The following ZKSCAN4 variants were observed in gnomAD, a reference collection of about 807,000 sequenced individuals.
The protein encoded by ZKSCAN4 is zinc finger with KRAB and SCAN domains 4.
ZKSCAN4 carries 23 observed loss-of-function variants against 30.8 expected under a neutral mutation model. The observed-to-expected ratio is 0.75, with a 90% CI of 0.54 to 1.06. ZKSCAN4 has a LOEUF of 1.06. Among genes scored for constraint, ZKSCAN4 ranks in the 50% least tolerant of loss-of-function variants. ZKSCAN4 has a pLI of 0.00. For synonymous variants in ZKSCAN4, 208 were observed against 252.5 expected (o/e 0.82, Z 1.67); for missense variants, 556 against 665.4 (o/e 0.84, Z 1.81).
upstream of ZKSCAN4, among the ~76,000 whole-genome samples, chr6:28,254,704 G>A (rs1761132155): frequency 1.3e-5 from 2 of 152,358 alleles, no homozygotes; most frequent in Admixed American, 6.5e-5. Flanking sequence ...CATATCTAAA[G>A]GCGGGATGCT....
chr6:28,250,311 C>T (rs973957618), intron 1 of ZKSCAN4, among the ~76,000 whole-genome samples: 20 of 152,144 alleles, frequency 1.3e-4, no homozygotes, highest in African/African-American at 4.1e-4. Context: ...TCAGGTGATC[C>T]GCCCACCTCA....
At position 28,251,713 on chromosome 6, in the gene ZKSCAN4, C is replaced by T; in HGVS notation, c.268G>A (p.Glu90Lys). The T allele has an allele frequency of 1.9e-6, 3 of 1,614,266 alleles. No individual in the cohort carries two copies. The highest frequency in any genetic ancestry group is 2.5e-6 in the Non-Finnish European group (3 of 1,180,054). Residue 90 changes from glutamate to lysine, a missense_variant, in exon 1 of 5, where the codon GAG becomes AAG. By Grantham distance (56) the Glu-to-Lys change is moderately conservative (BLOSUM62 1). Coordinates refer to ENST00000377294, the MANE Select transcript of ZKSCAN4 (RefSeq NM_019110.5). The surrounding 1 kb of genome is among the most constrained non-coding windows in gnomAD (Gnocchi z 4.5). The part of the protein sequence containing the change: ...QWLQPEMHSK[E>K]QILELLVLEQ... ...AGCACCAGCAGCTCCAGGATCTGCT[C>T]CTTGCTGTGCATCTCAGGCTGCAGC...
Position 28,252,057 on chromosome 6 carries a change from A to C in ZKSCAN4, c.-77T>G. On this transcript the variant is annotated 5_prime_UTR_variant, in exon 1 of 5. Coordinates refer to ENST00000377294, the MANE Select transcript of ZKSCAN4 (RefSeq NM_019110.5). ...TCAGAGGATTCTGGAAGGGTGGTAA[A>C]TTTTCCAGTAGAACTGCAAGTGGTC... 1 of 1,456,460 alleles carries C rather than the reference A, an allele frequency of 6.9e-7. No individual in the cohort carries two copies. Among genetic ancestry groups the C allele is most frequent in the Non-Finnish European group, 9.1e-7 (1 of 1,094,338 alleles). The allele number at this position is 1,456,460 out of a possible 1,614,324, so 90.2% of individuals were successfully genotyped here.
Position 28,245,195 on chromosome 6 carries a change from CA to C in ZKSCAN4, c.1558del (p.Cys520ValfsTer19). ...TGEKPYQCDTCGKGFTRTSYL... is the reference protein window; with the variant it reads ...TGEKPYQCDTXGKGFTRTSYL... Reference sequence around the variant, plus strand: ...TGAAGTTCGAGTGAAACCTTTTCCACATGTGTCACACTGATAGGGTTTCTCA... The same window carrying C: ...TGAAGTTCGAGTGAAACCTTTTCCACTGTGTCACACTGATAGGGTTTCTCA... On this transcript the variant is annotated frameshift_variant, in exon 5 of 5. Coordinates refer to ENST00000377294, the MANE Select transcript of ZKSCAN4 (RefSeq NM_019110.5). LOFTEE classifies it high-confidence loss of function. The C allele has an allele frequency of 6.2e-7, 1 of 1,614,146 alleles. No homozygotes were observed. The highest frequency in any genetic ancestry group is 8.5e-7 in the Non-Finnish European group (1 of 1,180,030).
Position 28,245,312 on chromosome 6 carries a change from G to C in ZKSCAN4, c.1442C>G (p.Thr481Ser), listed in dbSNP as rs776385628. 17 of 1,614,034 alleles carry C rather than the reference G, an allele frequency of 1.1e-5. No individual in the cohort carries two copies. The highest frequency in any genetic ancestry group is 3.3e-4 in the Middle Eastern group (2 of 6,084). Residue 481 changes from threonine to serine, a missense_variant, in exon 5 of 5, where the codon ACT (threonine) becomes AGT (serine). Transcript: ENST00000377294. ...ACATTTATAAGACACGGGAGCCTCA[G>C]TATTTTCCCACTGGCTTTCCGTCCT... ...QGRTESQWENTEAPVSYKCNE... is the reference protein window; with the variant it reads ...QGRTESQWENSEAPVSYKCNE...
At position 28,242,536 on chromosome 6, in the gene ZKSCAN4, A is replaced by G. The variant is rs959049837; in HGVS notation, c.*2580T>C. ...GTCCCTATCTCTTAAAATTTGCTTT[A>G]TTTACTCAATTGGACAAAGTTGTTG... On this transcript the variant is annotated 3_prime_UTR_variant, in exon 5 of 5. Transcript: ENST00000377294. Among the ~76,000 whole-genome samples, 3 of 152,110 alleles carry G rather than the reference A, an allele frequency of 2.0e-5. No homozygotes were observed. The highest frequency in any genetic ancestry group is 1.3e-4 in the Admixed American group (2 of 15,276).
At position 28,251,895 on chromosome 6, in the gene ZKSCAN4, T is replaced by G; in HGVS notation, c.86A>C (p.Lys29Thr). The G allele has an allele frequency of 6.5e-7, 1 of 1,539,866 alleles. No individual in the cohort carries two copies. Residue 29 changes from lysine to threonine, a missense_variant, in exon 1 of 5, where the codon AAG becomes ACG. By Grantham distance (78) the Lys-to-Thr change is moderately conservative. Transcript: ENST00000377294. The surrounding 1 kb of genome is among the most constrained non-coding windows in gnomAD (Gnocchi z 4.5). ...CGCCGTCAAGGCGGAGGCTTCCTCC[T>G]TCTCCACCTTCACGGTCAGGAGCCC... ...QTGLLTVKVE[K>T]EEASALTAEV...
At chr6:28,254,953 T>C (rs1761137186), upstream of ZKSCAN4, among the ~76,000 whole-genome samples, 1 of 152,264 alleles carries the variant, frequency 6.6e-6, no homozygotes, top group African/African-American at 2.4e-5. Flanking sequence ...GCCCTGATTA[T>C]AGATATGTAA....
chr6:28,248,910 G>T (rs1760871039), intron 2 of ZKSCAN4, among the ~76,000 whole-genome samples: 2 of 151,928 alleles, frequency 1.3e-5, no homozygotes, highest in South Asian at 4.2e-4. Flanking sequence ...GGCAATGGAA[G>T]ACTGGAAGAC....
intron 2 of ZKSCAN4, among the ~76,000 whole-genome samples, 165 bp from the exon 3 acceptor site, chr6:28,248,314 C>T (rs1289881681): frequency 1.3e-5 from 2 of 152,144 alleles, no homozygotes; most frequent in Non-Finnish European, 2.9e-5. Flanking sequence ...GCCCTAGGGC[C>T]GAAAGAAGTC....
chr6:28,252,332 C>T (rs146004617), upstream of ZKSCAN4: 99 of 180,426 alleles, frequency 5.5e-4, 4 homozygotes, highest in South Asian at 0.016. Context: ...AAGCTTCTCT[C>T]GGTGGTTGTC....
Position 28,244,775 on chromosome 6 carries a change from C to A in ZKSCAN4, c.*341G>T. 1 of 362,162 alleles carries A rather than the reference C, an allele frequency of 2.8e-6. No individual in the cohort carries two copies. Among genetic ancestry groups the A allele is most frequent in the Non-Finnish European group, 5.3e-6 (1 of 190,268 alleles). The allele number at this position is 362,162 out of a possible 1,614,324, so 22.4% of individuals were successfully genotyped here. On this transcript the variant is annotated 3_prime_UTR_variant, in exon 5 of 5. Coordinates refer to ENST00000377294, the MANE Select transcript of ZKSCAN4 (RefSeq NM_019110.5). ...GCAAAATGAATGGTCAGAGCAGCAG[C>A]CCCCCACATCAGAGCCATCCAACCA...
At chr6:28,246,105 T>G in intron 4 of ZKSCAN4, 130 bp from the exon 5 acceptor site, 1 of 1,279,720 alleles carries the variant, frequency 7.8e-7, no homozygotes, top group South Asian at 1.4e-5. Flanking sequence ...AGTGCTAGAA[T>G]AAGAATGGGA....
intron 1 of ZKSCAN4, among the ~76,000 whole-genome samples, chr6:28,250,196 T>C (rs546990678): frequency 2.0e-5 from 3 of 152,250 alleles, no homozygotes; most frequent in African/African-American, 2.4e-5. Context: ...GCCTCCCTAG[T>C]AGCTGGGATT....
intron 1 of ZKSCAN4, among the ~76,000 whole-genome samples, chr6:28,250,821 T>C (rs1760961385): frequency 1.3e-5 from 2 of 152,226 alleles, no homozygotes; most frequent in African/African-American, 4.8e-5. Context: ...CTACAGGGCT[T>C]GCGTGCAATA....
rs530669205 is a variant in ZKSCAN4, at chr6:28,252,102, G to A, written c.-122C>T. ...GTGGTCCCCCTCCTGTCATGCCCAGGGGCCCAGGACACCCCCTGAGGCGCA... is the reference window on the plus strand; with the variant it reads ...GTGGTCCCCCTCCTGTCATGCCCAGAGGCCCAGGACACCCCCTGAGGCGCA... On this transcript the variant is annotated 5_prime_UTR_variant, in exon 1 of 5. Coordinates refer to ENST00000377294, the MANE Select transcript of ZKSCAN4 (RefSeq NM_019110.5). The A allele has an allele frequency of 8.8e-7, 1 of 1,136,362 alleles. No homozygotes were observed. The highest frequency in any genetic ancestry group is 1.2e-6 in the Non-Finnish European group (1 of 811,696). 70.4% of individuals were successfully genotyped at this position (1,136,362 alleles called of 1,614,324 possible). A position where few individuals can be genotyped will look rare whatever the true frequency, so the allele number is the denominator to read the frequency against.
rs1468200854 is a variant in ZKSCAN4 at position 28,245,251 on chromosome 6, A to G, written c.1503T>C (p.Ser501=). ...ECERSFTRNR[S]LIEHQKIHTG... is the part of the protein sequence containing the mutation. Reference sequence around the variant, plus strand: ...TGTGGATTTTCTGATGTTCAATAAGACTTCTATTCCGTGTGAAACTTCTCT... The same window carrying G: ...TGTGGATTTTCTGATGTTCAATAAGGCTTCTATTCCGTGTGAAACTTCTCT... The change falls in exon 5 of 5, where the codon AGT becomes AGC. Residue 501 remains serine, a synonymous_variant. Coordinates refer to ENST00000377294, the MANE Select transcript of ZKSCAN4 (RefSeq NM_019110.5). 4 of 1,608,844 alleles carry G rather than the reference A, an allele frequency of 2.5e-6. No individual in the cohort carries two copies. Among genetic ancestry groups the G allele is most frequent in the Non-Finnish European group, 3.4e-6 (4 of 1,178,156 alleles).
chr6:28,252,297 A>G, upstream of ZKSCAN4: 1 of 214,094 alleles, frequency 4.7e-6, no homozygotes. Flanking sequence ...GATGGGAACT[A>G]AGGCCACTTC....
chr6:28,246,071 A>G lies in ZKSCAN4; in HGVS notation c.779-96T>C, dbSNP rs750636125. ...AGGGAGACAAGAATTACAGAAGTCT[A>G]TATATGCCCAGGATGAGGATTTAAG... is the stretch of plus-strand genomic sequence containing the variant. On this transcript the variant is annotated intron_variant, in intron 4 of 4. Transcript: ENST00000377294. 5.3e-6 allele frequency: 8 copies of G among 1,505,492 alleles called. No homozygotes were observed. The African/African-American group carries it at 1.1e-4, about 21-fold the overall frequency. The allele number at this position is 1,505,492 out of a possible 1,614,324, so 93.3% of individuals were successfully genotyped here. A position where few individuals can be genotyped will look rare whatever the true frequency, so the allele number is the denominator to read the frequency against.
Sources: gnomAD v4.1 joint callset for allele counts (sites outside exome capture counted in the v4.1 genomes callset) on GRCh38, gnomAD v4.1.1 for gene constraint, Gnocchi (gnomAD v3.1) non-coding constraint, MANE v1.5 for transcripts, NCBI Gene and HGNC (gene_info 2026-07-23, HGNC 2026-07-21) for gene names.